The following GPSM2 variants were observed in gnomAD, a reference collection of about 807,000 sequenced individuals.
The protein encoded by GPSM2 is G protein signaling modulator 2.
A neutral mutation model predicts 78.4 loss-of-function variants in GPSM2; 58 were observed. The observed-to-expected ratio is 0.74, with a 90% CI of 0.60 to 0.92. The LOEUF is 0.92. Among genes scored for constraint, GPSM2 ranks in the 40% least tolerant of loss-of-function variants. GPSM2 has a pLI of 0.00. For missense variants in GPSM2, 700 were observed against 815.5 expected, an observed-to-expected ratio of 0.86 and a Z score of 1.73; for synonymous variants, 224 against 280.2, an observed-to-expected ratio of 0.80 and a Z score of 2.00.
chr1:108,933,797 T>C lies in GPSM2; in HGVS notation c.*3857T>C, dbSNP rs2101604446. 1 of 152,348 alleles carries C rather than the reference T, an allele frequency of 6.6e-6. No individual in the cohort carries two copies. The allele number at this position is 152,348 out of a possible 1,614,324, so 9.4% of individuals were successfully genotyped here. A position where few individuals can be genotyped will look rare whatever the true frequency, so the allele number is the denominator to read the frequency against. On this transcript the variant is annotated 3_prime_UTR_variant, in exon 15 of 15. Transcript: ENST00000264126. ...TGCAGTTAAGGAAGACACCCAACTCTCTTCTTCCTCATCATGGTATTCTCT... is the reference window on the plus strand; with the variant it reads ...TGCAGTTAAGGAAGACACCCAACTCCCTTCTTCCTCATCATGGTATTCTCT...
At chr1:108,902,381 A>G (rs1441694841) in intron 8 of GPSM2, among the ~76,000 whole-genome samples, 2 of 143,938 alleles carry the variant, frequency 1.4e-5, no homozygotes, top group Non-Finnish European at 1.5e-5. Context: ...CTGCATCTCA[A>G]AAAAAAAAAA....
intron 14 of GPSM2, among the ~76,000 whole-genome samples, chr1:108,924,913 C>T (rs140071986): frequency 1.8e-4 from 27 of 152,180 alleles, no homozygotes; most frequent in African/African-American, 5.5e-4. Context: ...GATGGAAGAA[C>T]GTAGAGTGGC....
intron 2 of GPSM2, among the ~76,000 whole-genome samples, chr1:108,889,310 G>A (rs976439897): frequency 1.3e-5 from 2 of 152,154 alleles, no homozygotes; most frequent in Non-Finnish European, 2.9e-5. Context: ...TATTTGTCCC[G>A]ATTGGCTAGC....
Position 108,917,691 on chromosome 1 carries a change from G to A in GPSM2, c.1264-922G>A, listed in dbSNP as rs79339221. Among the ~76,000 whole-genome samples the A allele has an allele frequency of 9.9e-3, 1,001 of 100,908 alleles. 26 individuals are homozygous for A. Among genetic ancestry groups the A allele is most frequent in the African/African-American group, 0.034 (951 of 27,838 alleles). 66.2% of individuals were successfully genotyped at this position (100,908 alleles called of 152,430 possible). On this transcript the variant is annotated intron_variant, in intron 11 of 14. Transcript: ENST00000264126. ...AAATGAGTTCTCACTATGTTGTCCAGGCTCAAGCAATCCTCAAATTCCTGG... is the reference window on the plus strand; with the variant it reads ...AAATGAGTTCTCACTATGTTGTCCAAGCTCAAGCAATCCTCAAATTCCTGG...
chr1:108,910,968 A>ATCTATTTCATATAGAACTAATGAAATAGT (rs1570929521), intron 10 of GPSM2, among the ~76,000 whole-genome samples: 6 of 152,194 alleles, frequency 3.9e-5, no homozygotes, highest in East Asian at 3.8e-4. Flanking sequence ...AATCTATTAA[A>ATCTATTTCATATAGAACTAATGAAATAGT]TCTATTTCAT....
chr1:108,915,844 A>T (rs1341750239), intron 11 of GPSM2, among the ~76,000 whole-genome samples: 3 of 152,226 alleles, frequency 2.0e-5, no homozygotes, highest in Non-Finnish European at 1.5e-5. Context: ...ATAATCAGTA[A>T]TTCTGCCTCC....
chr1:108,895,683 T>C (rs1482028496), intron 2 of GPSM2, among the ~76,000 whole-genome samples: 1 of 152,144 alleles, frequency 6.6e-6, no homozygotes, highest in Non-Finnish European at 1.5e-5. Context: ...GGAGACCATC[T>C]AGTTGCAGGA....
intron 2 of GPSM2, among the ~76,000 whole-genome samples, chr1:108,894,131 A>T (rs985059217): frequency 2.0e-5 from 3 of 152,190 alleles, no homozygotes; most frequent in African/African-American, 7.2e-5. Flanking sequence ...ATAAAATCTT[A>T]AACAGATATA....
chr1:108,920,679 T>C (rs1034892001), intron 12 of GPSM2, among the ~76,000 whole-genome samples: 1 of 152,118 alleles, frequency 6.6e-6, no homozygotes, highest in South Asian at 2.1e-4. Context: ...CTTACATAGC[T>C]TTTCTGGGGT....
In GPSM2 at chr1:108,885,096, C is replaced by A. The variant is rs146593396; in HGVS notation, c.-248-179C>A. 1.1e-3 allele frequency among the ~76,000 whole-genome samples: 163 copies of A among 152,242 alleles called. 1 individual carries two copies. The highest frequency in any genetic ancestry group is 6.8e-3 in the Middle Eastern group (2 of 294). On this transcript the variant is annotated intron_variant, in intron 1 of 14. Coordinates refer to ENST00000264126, the MANE Select transcript of GPSM2 (RefSeq NM_013296.5). ...AAAAATTACAGTTCTCAAATCTCAT[C>A]TATTCCCACCCCTATTTAGAAGCTC...
intron 13 of GPSM2, 138 bp downstream of exon 13, chr1:108,922,714 T>A: frequency 1.2e-6 from 1 of 825,386 alleles, no homozygotes; most frequent in Non-Finnish European, 2.1e-6. Context: ...TGCTGTTATT[T>A]ATACAGTTCA....
chr1:108,920,430 CTG>C (rs1650614999), intron 12 of GPSM2, among the ~76,000 whole-genome samples: 1 of 152,038 alleles, frequency 6.6e-6, no homozygotes, highest in African/African-American at 2.4e-5. Flanking sequence ...GATCGCGCCA[CTG>C]TACTCCAGCC....
At chr1:108,898,793 C>A in intron 6 of GPSM2, 28 bp downstream of exon 6, 3 of 1,612,450 alleles carry the variant, frequency 1.9e-6, no homozygotes, top group South Asian at 2.2e-5. Flanking sequence ...GGAGCCAGAT[C>A]ATTTCCTCCA....
chr1:108,910,812 G>A (rs762579191), intron 10 of GPSM2, among the ~76,000 whole-genome samples: 19 of 151,054 alleles, frequency 1.3e-4, no homozygotes, highest in African/African-American at 3.2e-4. Context: ...GCAGTGAGCC[G>A]AGATAGCACC....
intron 1 of GPSM2, among the ~76,000 whole-genome samples, chr1:108,881,121 T>C (rs1665874838): frequency 6.6e-6 from 1 of 152,210 alleles, no homozygotes; most frequent in Non-Finnish European, 1.5e-5. Flanking sequence ...CAGTTAGAGT[T>C]ATGTACTAGT....
chr1:108,924,420 C>T (rs1650974939), intron 14 of GPSM2: 1 of 632,428 alleles, frequency 1.6e-6, no homozygotes, highest in South Asian at 1.8e-5. Context: ...AAGGATCTTA[C>T]ATTTTAGGAG....
intron 2 of GPSM2, among the ~76,000 whole-genome samples, chr1:108,893,972 T>C (rs1214115659): frequency 6.6e-6 from 1 of 152,086 alleles, no homozygotes; most frequent in Non-Finnish European, 1.5e-5. Context: ...GAAGAATTGC[T>C]TGAACCCAGG....
chr1:108,929,022 T>C lies in GPSM2; in HGVS notation c.1816-679T>C, dbSNP rs2101570238. ...AAAAAAAAAAATTCATTCTGGGCTA[T>C]TTCTTAACAGATTTAACAGCCTAAG... On this transcript the variant is annotated intron_variant, in intron 14 of 14. Transcript: ENST00000264126. 1.4e-5 allele frequency among the ~76,000 whole-genome samples: 2 copies of C among 143,126 alleles called. 1 individual carries two copies. The highest frequency in any genetic ancestry group is 4.4e-4 in the South Asian group (2 of 4,560). The allele number at this position is 143,126 out of a possible 152,430, so 93.9% of individuals were successfully genotyped here.
chr1:108,925,739 G>A (rs751515707), intron 14 of GPSM2, among the ~76,000 whole-genome samples: 1 of 152,074 alleles, frequency 6.6e-6, no homozygotes, highest in Non-Finnish European at 1.5e-5. Context: ...AAAATGGGAA[G>A]TGTGAAAGGG....
Sources: allele counts gnomAD v4.1 joint callset (sites outside exome capture counted in the v4.1 genomes callset), GRCh38; gene constraint gnomAD v4.1.1; transcripts MANE v1.5; gene names NCBI Gene and HGNC (gene_info 2026-07-23, HGNC 2026-07-21).